Variants in CHGA observed in about 807,000 individuals in gnomAD.
The protein encoded by CHGA is chromogranin-A.
In CHGA, 41 loss-of-function variants were observed where a neutral mutation model predicts 54.4. That is an observed-to-expected ratio of 0.75 (90% CI 0.59 to 0.98). The LOEUF is 0.98. Ranked by LOEUF, CHGA falls within the 50% of genes least tolerant of loss-of-function variation. The pLI, the probability that CHGA is intolerant of heterozygous loss-of-function variation, is 0.00. For missense variants in CHGA, 576 were observed against 582.3 expected, an observed-to-expected ratio of 0.99 and a Z score of 0.11; for synonymous variants, 249 against 232.8, an observed-to-expected ratio of 1.07 and a Z score of -0.63.
intron 5 of CHGA, among the ~76,000 whole-genome samples, 197 bp downstream of exon 5, chr14:92,930,012 G>T (rs989236731): frequency 6.6e-6 from 1 of 152,182 alleles, no homozygotes; most frequent in Non-Finnish European, 1.5e-5. Context: ...CAGGGGTTTC[G>T]ATCTGGTCCT....
intron 2 of CHGA, among the ~76,000 whole-genome samples, chr14:92,925,325 G>A (rs761457183): frequency 7.2e-5 from 11 of 152,114 alleles, no homozygotes; most frequent in South Asian, 6.2e-4. Context: ...ATGCCCTCTC[G>A]AACAGGTGGT....
At chr14:92,924,272 G>A (rs756190437) in intron 2 of CHGA, 27 bp downstream of exon 2, 1 of 1,605,886 alleles carries the variant, frequency 6.2e-7, no homozygotes, top group South Asian at 1.1e-5. Flanking sequence ...GGGATGAGGG[G>A]TAGGAGGCTC....
chr14:92,927,578 T>G lies in CHGA; in HGVS notation c.216T>G (p.His72Gln), dbSNP rs757322392. The G allele has an allele frequency of 6.2e-7, 1 of 1,613,778 alleles. No individual in the cohort carries two copies. The highest frequency in any genetic ancestry group is 8.5e-7 in the Non-Finnish European group (1 of 1,179,904). Residue 72 changes from histidine to glutamine, a missense_variant, in exon 4 of 8, where the codon CAT becomes CAG. Physicochemically the swap from His to Gln is conservative, Grantham distance 24. Coordinates refer to ENST00000216492, the MANE Select transcript of CHGA (RefSeq NM_001275.4). ...GDERILSILR[H>Q]QNLLKELQDL... is the part of the protein sequence containing the mutation. Reference sequence around the variant, plus strand: ...AACGGATCCTTTCCATTCTGAGACATCAGAATTTACTGAAGGAGCTCCAAG... The same window carrying G: ...AACGGATCCTTTCCATTCTGAGACAGCAGAATTTACTGAAGGAGCTCCAAG...
At position 92,935,198 on chromosome 14, in the gene CHGA, AC is replaced by A; in HGVS notation, c.*316del. On this transcript the variant is annotated 3_prime_UTR_variant, in exon 8 of 8. Transcript: ENST00000216492. ...CTGGGCACAACTGCAATAACTTCTG[AC>A]CTTTTGGTGAAAGCTGAGAACTCCT... 2.7e-6 allele frequency: 1 copy of A among 366,386 alleles called. No individual in the cohort carries two copies. The highest frequency in any genetic ancestry group is 4.8e-6 in the Non-Finnish European group (1 of 206,808). The allele number at this position is 366,386 out of a possible 1,614,324, so 22.7% of individuals were successfully genotyped here.
chr14:92,926,735 G>C (rs774722070), intron 3 of CHGA, 37 bp downstream of exon 3: 1 of 1,561,200 alleles, frequency 6.4e-7, no homozygotes, highest in Non-Finnish European at 8.8e-7. Context: ...GCTGCTGCCT[G>C]CTGGGCTGGG....
chr14:92,923,962 C>G (rs1475795801), intron 1 of CHGA, among the ~76,000 whole-genome samples: 1 of 152,218 alleles, frequency 6.6e-6, no homozygotes, highest in African/African-American at 2.4e-5. Flanking sequence ...CACACCCGCT[C>G]CAGAGCAAGA....
Position 92,932,692 on chromosome 14 carries a change from G to A in CHGA, c.1131G>A (p.Arg377=), listed in dbSNP as rs1192164478. The A allele has an allele frequency of 1.2e-6, 2 of 1,610,686 alleles. No individual in the cohort carries two copies. Among genetic ancestry groups the A allele is most frequent in the South Asian group, 2.2e-5 (2 of 90,346 alleles). ...ACAGTTCCATGAAGCTCTCCTTCCG[G>A]GCCCGGGCCTACGGCTTCAGGGGCC... ...NRDSSMKLSF[R]ARAYGFRGPG... The change falls in exon 7 of 8, where the codon CGG becomes CGA. Residue 377 remains arginine, a synonymous_variant. Transcript: ENST00000216492. The surrounding 1 kb of genome is among the most constrained non-coding windows in gnomAD (Gnocchi z 5.3).
At chr14:92,927,301 G>A (rs1000428786) in intron 3 of CHGA, among the ~76,000 whole-genome samples, 1 of 152,206 alleles carries the variant, frequency 6.6e-6, no homozygotes, top group Non-Finnish European at 1.5e-5. Context: ...CATCCTCAGG[G>A]GTTGCCACCC....
chr14:92,927,173 T>C (rs1278908347), intron 3 of CHGA, among the ~76,000 whole-genome samples: 1 of 152,210 alleles, frequency 6.6e-6, no homozygotes, highest in Non-Finnish European at 1.5e-5. Context: ...GGTTGGGCTT[T>C]AAAAGAAACA....
chr14:92,925,608 C>T (rs1381873374), intron 2 of CHGA, among the ~76,000 whole-genome samples: 1 of 152,198 alleles, frequency 6.6e-6, no homozygotes, highest in Non-Finnish European at 1.5e-5. Context: ...CTCCCACCCC[C>T]TCACTCCCTG....
chr14:92,931,065 G>C (rs1886983385), intron 5 of CHGA, among the ~76,000 whole-genome samples, 185 bp from the exon 6 acceptor site: 1 of 152,232 alleles, frequency 6.6e-6, no homozygotes, highest in African/African-American at 2.4e-5. Context: ...TAAAAAGAAA[G>C]AAACAAATCC....
chr14:92,924,031 T>G (rs1886840003), intron 1 of CHGA, among the ~76,000 whole-genome samples, 168 bp from the exon 2 acceptor site: 1 of 152,166 alleles, frequency 6.6e-6, no homozygotes, highest in African/African-American at 2.4e-5. Flanking sequence ...CACCCCACTG[T>G]GGGCAGCAAC....
chr14:92,925,464 A>G (rs921013414), intron 2 of CHGA, among the ~76,000 whole-genome samples: 1 of 143,032 alleles, frequency 7.0e-6, no homozygotes, highest in African/African-American at 2.5e-5. Context: ...GCCTGTGGTC[A>G]GGGGCACCAG....
intron 1 of CHGA, 94 bp from the exon 2 acceptor site, chr14:92,924,105 C>T (rs1886841120): frequency 2.2e-6 from 3 of 1,379,794 alleles, no homozygotes; most frequent in South Asian, 2.5e-5. Flanking sequence ...TGAGGGGTGG[C>T]ATTGGGTGAA....
chr14:92,923,615 C>T (rs1886830544), intron 1 of CHGA, among the ~76,000 whole-genome samples: 1 of 152,200 alleles, frequency 6.6e-6, no homozygotes, highest in African/African-American at 2.4e-5. Context: ...TGACTCCCAA[C>T]CCCCCGGGGC....
chr14:92,929,296 C>T (rs192807610), intron 4 of CHGA, among the ~76,000 whole-genome samples: 2 of 143,174 alleles, frequency 1.4e-5, no homozygotes, highest in Admixed American at 1.4e-4. Flanking sequence ...CTGGAGCTAC[C>T]AGCCAGGTCC....
At chr14:92,925,033 G>C (rs969224796) in intron 2 of CHGA, among the ~76,000 whole-genome samples, 1 of 152,182 alleles carries the variant, frequency 6.6e-6, no homozygotes, top group Non-Finnish European at 1.5e-5. Context: ...TCCAACCTCT[G>C]TTTGCTCAAT....
At chr14:92,927,036 C>A (rs1350075396) in intron 3 of CHGA, among the ~76,000 whole-genome samples, 1 of 152,148 alleles carries the variant, frequency 6.6e-6, no homozygotes, top group Non-Finnish European at 1.5e-5. Flanking sequence ...CAGCCTCTGG[C>A]CTCTGCAGAC....
At chr14:92,925,545 G>A (rs9658644) in intron 2 of CHGA, among the ~76,000 whole-genome samples, 36,208 of 152,144 alleles carry the variant, frequency 0.24, 4,486 homozygotes, top group Middle Eastern at 0.39. Context: ...GCACTTGCCA[G>A]TTTGCCATCT....
Sources: gnomAD v4.1 joint callset for allele counts (sites outside exome capture counted in the v4.1 genomes callset) on GRCh38, gnomAD v4.1.1 for gene constraint, Gnocchi (gnomAD v3.1) non-coding constraint, MANE v1.5 for transcripts, NCBI Gene and HGNC (gene_info 2026-07-23, HGNC 2026-07-21) for gene names.